Variants in RBM10 observed in about 807,000 individuals in gnomAD.
RBM10 encodes RNA binding motif protein 10, also known as RNA-binding protein 10.
In RBM10, 1 loss-of-function variant was observed where a neutral mutation model predicts 84.9. The observed-to-expected ratio is 0.01, with a 90% confidence interval of 0.00 to 0.06. RBM10 has a LOEUF of 0.06. Ranked by LOEUF, RBM10 falls within the 10% of genes least tolerant of loss-of-function variation. The pLI is 1.00. For synonymous variants in RBM10, 326 were observed against 344.5 expected, an observed-to-expected ratio of 0.95 and a Z score of 0.60; for missense variants, 438 against 839.0, an observed-to-expected ratio of 0.52 and a Z score of 5.90.
At chrX:47,181,441 C>T (rs782433271) in intron 13 of RBM10, 40 bp downstream of exon 13, 1 of 1,208,553 alleles carries the variant, frequency 8.3e-7, no homozygotes, top group East Asian at 3.0e-5. Context: ...TGGTGGGGGC[C>T]AGCAGGCATA....
At chrX:47,175,133 A>G in intron 6 of RBM10, 41 bp downstream of exon 6, 1 of 925,673 alleles carries the variant, frequency 1.1e-6, no homozygotes, top group Non-Finnish European at 1.5e-6. Flanking sequence ...AACAAATACT[A>G]CTTTGTAATC....
At chrX:47,157,234 C>T (rs939474364) in intron 2 of RBM10, 12 of 290,090 alleles carry the variant, frequency 4.1e-5, no homozygotes, top group African/African-American at 1.9e-4. Context: ...ATTGTGTCCG[C>T]GGAGAATTTC....
rs140296609 is a variant in RBM10 at position 47,179,367 on chromosome X, T to C, written c.773T>C (p.Leu258Pro). Residue 258 changes from leucine (L) to proline (P), a missense_variant, in exon 9 of 24, where the codon CTG (leucine) becomes CCG (proline). Physicochemically the swap from Leu to Pro is moderately conservative, Grantham distance 98. Coordinates refer to ENST00000377604, the MANE Select transcript of RBM10 (RefSeq NM_005676.5). ...PLGTRLDQQT[L>P]PLGGRELSQG... ...GGCACGAGGCTGGATCAGCAGACAC[T>C]GCCACTGGGTGGCCGGGAGCTGAGC... 31 of 1,199,192 alleles carry C rather than the reference T, an allele frequency of 2.6e-5. No individual in the cohort carries two copies. The highest frequency in any genetic ancestry group is 8.9e-5 in the Admixed American group (4 of 45,033).
At chrX:47,157,047 C>T in intron 2 of RBM10, 1 of 292,033 alleles carries the variant, frequency 3.4e-6, no homozygotes, top group Non-Finnish European at 6.5e-6. Flanking sequence ...GATGTCGGTG[C>T]CGAACAGCAA....
In RBM10 at chrX:47,180,057, TGGG is replaced by T; in HGVS notation, c.1062+20_1062+22del. On this transcript the variant is annotated intron_variant, in intron 10 of 23. Transcript: ENST00000377604. The stretch of plus-strand genomic sequence containing the variant: ...ACCATCGTGGTGAGGGCGGCACAGT[TGGG>T]GGCCGGGCAGCCAGGGTCCCGGCCC... 8.3e-7 allele frequency: 1 copy of T among 1,209,872 alleles called. No homozygotes were observed. The highest frequency in any genetic ancestry group is 1.1e-6 in the Non-Finnish European group (1 of 894,661).
At chrX:47,164,370 C>A (rs1409402792) in intron 2 of RBM10, among the ~76,000 whole-genome samples, 1 of 110,293 alleles carries the variant, frequency 9.1e-6, no homozygotes, top group Non-Finnish European at 1.9e-5. Context: ...AAACCCCTGT[C>A]TCTACTAAAA....
chrX:47,186,243 G>A lies in RBM10; in HGVS notation c.2538-15G>A, dbSNP rs2147225056. 1.7e-6 allele frequency: 2 copies of A among 1,210,197 alleles called. No homozygotes were observed. Among genetic ancestry groups the A allele is most frequent in the Non-Finnish European group, 2.2e-6 (2 of 894,471 alleles). ...CCGGCAGGCCGACCACTCATGCTGT[G>A]CACCGCCCCTGCAGAGACTTCGAGC... On this transcript the variant is annotated splice_polypyrimidine_tract_variant and intron_variant, in intron 22 of 23. Coordinates refer to ENST00000377604, the MANE Select transcript of RBM10 (RefSeq NM_005676.5).
At chrX:47,173,100 C>T (rs782005658) in intron 4 of RBM10, 28 bp from the exon 5 acceptor site, 2 of 1,210,679 alleles carry the variant, frequency 1.7e-6, no homozygotes, top group Admixed American at 2.2e-5. Flanking sequence ...TGTGCTGAGC[C>T]TGCCCTACTC....
chrX:47,170,320 G>A (rs1430631417), intron 3 of RBM10, among the ~76,000 whole-genome samples: 1 of 113,740 alleles, frequency 8.8e-6, no homozygotes, highest in Non-Finnish European at 1.9e-5. Context: ...TGGCCAGGGT[G>A]GGAATGGAGC....
intron 2 of RBM10, chrX:47,156,845 C>T (rs1018842227): frequency 1.0e-5 from 2 of 191,529 alleles, no homozygotes; most frequent in South Asian, 6.9e-5. Context: ...CTAGGCTGCT[C>T]GCCGGCTTGG....
intron 2 of RBM10, among the ~76,000 whole-genome samples, chrX:47,158,442 C>T (rs965656277): frequency 2.7e-5 from 3 of 112,061 alleles, no homozygotes; most frequent in Non-Finnish European, 5.6e-5. Context: ...TTCACTCTGT[C>T]GCCCAGGCTG....
rs782177358 is a variant in RBM10 at position 47,181,336 on chromosome X, A to T, written c.1370A>T (p.His457Leu). 87 of 1,197,129 alleles carry T rather than the reference A, an allele frequency of 7.3e-5. No individual in the cohort carries two copies. The highest frequency in any genetic ancestry group is 9.1e-5 in the Non-Finnish European group (81 of 888,355). Residue 457 changes from histidine (H) to leucine (L), a missense_variant, in exon 13 of 24, where the codon CAT (histidine) becomes CTT (leucine). Transcript: ENST00000377604. ...SQGTESSLYA[H>L]GYLKGTKGPG... The stretch of plus-strand genomic sequence containing the variant: ...GGCACAGAGTCTTCCCTCTATGCCC[A>T]TGGCTACCTCAAGGGCACCAAGGGC...
intron 2 of RBM10, among the ~76,000 whole-genome samples, chrX:47,159,073 T>C (rs1009682199): frequency 9.8e-5 from 11 of 112,140 alleles, no homozygotes; most frequent in East Asian, 5.6e-4. Context: ...CTGTCCACTA[T>C]TGATGGGCAT....
rs1935348095 is a variant in RBM10, at chrX:47,179,151, G to A, written c.712G>A (p.Val238Met). The A allele has an allele frequency of 2.5e-6, 3 of 1,209,584 alleles. No individual in the cohort carries two copies. Among genetic ancestry groups the A allele is most frequent in the Admixed American group, 2.2e-5 (1 of 45,949 alleles). The stretch of plus-strand genomic sequence containing the variant: ...CCGAGAGAAGTGCTTCAAATGTGGC[G>A]TGCCCAAGTCAGGTGAGGCCCACCT... ...KRREKCFKCGVPKSEAEQKLP... is the reference protein window; with the variant it reads ...KRREKCFKCGMPKSEAEQKLP... Residue 238 changes from valine to methionine, a missense_variant, in exon 8 of 24, where the codon GTG (valine) becomes ATG (methionine). By Grantham distance (21) the Val-to-Met change is conservative. Coordinates refer to ENST00000377604, the MANE Select transcript of RBM10 (RefSeq NM_005676.5).
At chrX:47,167,614 T>A (rs1446300120) in intron 2 of RBM10, among the ~76,000 whole-genome samples, 2 of 112,156 alleles carry the variant, frequency 1.8e-5, no homozygotes, top group Non-Finnish European at 3.8e-5. Flanking sequence ...TCTGCCCACC[T>A]CGGCCTCCCA....
rs1245227933 is a variant in RBM10, at chrX:47,155,730, C to CA, written c.17+8251dup. ...TGGGCAACAGAGCGAGACTCCATCT[C>CA]AAAAAAAAAAAAAAAAAAAGAATTT... On this transcript the variant is annotated intron_variant, in intron 2 of 23. Transcript: ENST00000377604. Among the ~76,000 whole-genome samples, 266 of 28,324 alleles carry CA rather than the reference C, an allele frequency of 9.4e-3. 3 individuals are homozygous for CA. Among genetic ancestry groups the CA allele is most frequent in the East Asian group, 0.053 (43 of 807 alleles). The allele number at this position is 28,324 out of a possible 115,157, so 24.6% of individuals were successfully genotyped here. A position where few individuals can be genotyped will look rare whatever the true frequency, so the allele number is the denominator to read the frequency against.
At position 47,171,100 on chromosome X, in the gene RBM10, G is replaced by A. The variant is rs372162654; in HGVS notation, c.274G>A (p.Gly92Ser). Residue 92 changes from glycine to serine, a missense_variant, in exon 4 of 24, where the codon GGC (glycine) becomes AGC (serine). This residue lies in a region of RBM10 where 92 missense variants were observed against 134.3 expected (regional missense o/e 0.69). Transcript: ENST00000377604. ...RRRRHRHSPT[G>S]PPGFPRDGDY... ...GCGGCGGCACAGGCACAGCCCCACC[G>A]GCCCGCCAGGCTTCCCCCGAGACGG... 23 of 1,208,332 alleles carry A rather than the reference G, an allele frequency of 1.9e-5. No homozygotes were observed. In the African/African-American group the frequency reaches 3.2e-4, roughly 17 times the overall value.
At chrX:47,148,605 A>G (rs969714502) in intron 2 of RBM10, among the ~76,000 whole-genome samples, 10 of 102,098 alleles carry the variant, frequency 9.8e-5, no homozygotes, top group East Asian at 9.4e-4. Context: ...TCTATGATAC[A>G]TATCATAGAA....
intron 5 of RBM10, 92 bp from the exon 6 acceptor site, chrX:47,174,927 C>G (rs1446809206): frequency 1.4e-5 from 9 of 664,599 alleles, no homozygotes; most frequent in Non-Finnish European, 2.2e-5. Flanking sequence ...CTCTGCCCCC[C>G]GTCCTCTCCC....
Sources: gnomAD v4.1 joint callset for allele counts (sites outside exome capture counted in the v4.1 genomes callset) on GRCh38, gnomAD v4.1.1 for gene constraint, gnomAD v4.1.1 regional missense constraint, MANE v1.5 for transcripts, NCBI Gene and HGNC (gene_info 2026-07-23, HGNC 2026-07-21) for gene names.